Variants in PTPN23 observed in about 807,000 individuals in gnomAD.
PTPN23 encodes tyrosine-protein phosphatase non-receptor type 23.
Under a neutral mutation model 156.3 loss-of-function variants are expected in PTPN23, and 72 were observed. That is an observed-to-expected ratio of 0.46 (90% CI 0.38 to 0.56). The LOEUF is 0.56. Ranked by LOEUF, PTPN23 falls within the 20% of genes least tolerant of loss-of-function variation. The pLI is 0.00. For synonymous variants in PTPN23, 957 were observed against 899.6 expected, an observed-to-expected ratio of 1.06 and a Z score of -1.14; for missense variants, 1,974 against 2,171.5, an observed-to-expected ratio of 0.91 and a Z score of 1.81.
intron 1 of PTPN23, among the ~76,000 whole-genome samples, chr3:47,385,705 A>G (rs1037883895): frequency 5.3e-5 from 8 of 152,124 alleles, no homozygotes; most frequent in Admixed American, 5.2e-4. Flanking sequence ...CCCTGTCTTC[A>G]TGAAACTTAC....
Position 47,405,199 on chromosome 3 carries a change from C to A in PTPN23, c.364+118C>A. 1 of 917,900 alleles carries A rather than the reference C, an allele frequency of 1.1e-6. No homozygotes were observed. Among genetic ancestry groups the A allele is most frequent in the Non-Finnish European group, 1.7e-6 (1 of 576,522 alleles). 56.9% of individuals were successfully genotyped at this position (917,900 alleles called of 1,614,324 possible). ...TAAAGGGAGGACTCCAGGATTCCCG[C>A]CCCTCCACTGACCTCCCCACAGCCC... On this transcript the variant is annotated intron_variant, in intron 4 of 24. Transcript: ENST00000265562. The surrounding 1 kb of genome is among the most constrained non-coding windows in gnomAD (Gnocchi z 4.7).
Position 47,411,617 on chromosome 3 carries a change from C to G in PTPN23, c.3819C>G (p.Phe1273Leu). 6.2e-7 allele frequency: 1 copy of G among 1,612,072 alleles called. No individual in the cohort carries two copies. Among genetic ancestry groups the G allele is most frequent in the Non-Finnish European group, 8.5e-7 (1 of 1,179,790 alleles). Residue 1273 changes from phenylalanine (F) to leucine (L), a missense_variant, in exon 20 of 25, where the codon TTC (phenylalanine) becomes TTG (leucine). Around this residue, in one of 4 missense-constraint regions of PTPN23, gnomAD observed 484 missense variants for 516.0 expected, o/e 0.94. Coordinates refer to ENST00000265562, the MANE Select transcript of PTPN23 (RefSeq NM_015466.4). This position sits in a 1 kb window ranked among gnomAD's most constrained non-coding sequence, Gnocchi z 6.3. ...QAPLPGTAAD[F>L]WLMVHEQKVS... ...CACTGCCTGGCACAGCTGCTGACTT[C>G]TGGCTCATGGTCCATGAGCAGAAAG...
rs749536334 is a variant in PTPN23, at chr3:47,413,067, A to G, written c.4793A>G (p.Gln1598Arg). Residue 1598 changes from glutamine to arginine, a missense_variant, in exon 25 of 25, where the codon CAG (glutamine) becomes CGG (arginine). Coordinates refer to ENST00000265562, the MANE Select transcript of PTPN23 (RefSeq NM_015466.4). ...FSLDSSLRGK[Q>R]RMSKHNFLQA... ...CTGGACAGCTCCCTGCGGGGCAAAC[A>G]GCGGATGAGCAAGCATAACTTTCTG... The G allele has an allele frequency of 2.5e-6, 4 of 1,612,940 alleles. No homozygotes were observed. Among genetic ancestry groups the G allele is most frequent in the Non-Finnish European group, 3.4e-6 (4 of 1,180,022 alleles).
Position 47,405,871 on chromosome 3 carries a change from T to C in PTPN23, c.415-44T>C. The C allele has an allele frequency of 6.2e-7, 1 of 1,606,686 alleles. No individual in the cohort carries two copies. On this transcript the variant is annotated intron_variant, in intron 5 of 24. Coordinates refer to ENST00000265562, the MANE Select transcript of PTPN23 (RefSeq NM_015466.4). This position sits in a 1 kb window ranked among gnomAD's most constrained non-coding sequence, Gnocchi z 4.7. ...CAGCCTCCCAAGTATGGATGAATCC[T>C]GACCCATGGAGTGGACACAGGCCAT... is the stretch of plus-strand genomic sequence containing the variant.
Position 47,406,157 on chromosome 3 carries a change from C to A in PTPN23, c.546+111C>A. The A allele has an allele frequency of 6.6e-7, 1 of 1,513,786 alleles. No individual in the cohort carries two copies. 93.8% of individuals were successfully genotyped at this position (1,513,786 alleles called of 1,614,324 possible). On this transcript the variant is annotated intron_variant, in intron 6 of 24. Transcript: ENST00000265562. This position sits in a 1 kb window ranked among gnomAD's most constrained non-coding sequence, Gnocchi z 5.8. ...AAGGCAGTGAGGGACAAGCAAGGGG[C>A]CTTGGCTTTGTTGAATCAGGAGCAC... is the stretch of plus-strand genomic sequence containing the variant.
In PTPN23 at chr3:47,413,321, T is replaced by C; in HGVS notation, c.*136T>C. Reference sequence around the variant, plus strand: ...GCCTTTGGCCCTGCCTGGCCCAGCCTGCACCCCTGTGGGGTGGAAATGTAC... The same window carrying C: ...GCCTTTGGCCCTGCCTGGCCCAGCCCGCACCCCTGTGGGGTGGAAATGTAC... On this transcript the variant is annotated 3_prime_UTR_variant, in exon 25 of 25. Transcript: ENST00000265562. The C allele has an allele frequency of 7.9e-7, 1 of 1,266,276 alleles. No individual in the cohort carries two copies. Among genetic ancestry groups the C allele is most frequent in the Non-Finnish European group, 1.1e-6 (1 of 912,662 alleles). The allele number at this position is 1,266,276 out of a possible 1,614,324, so 78.4% of individuals were successfully genotyped here.
rs1324586460 is a variant in PTPN23, at chr3:47,413,106, G to A, written c.4832G>A (p.Gly1611Glu). 1 of 1,612,760 alleles carries A rather than the reference G, an allele frequency of 6.2e-7. No homozygotes were observed. Among genetic ancestry groups the A allele is most frequent in the Non-Finnish European group, 8.5e-7 (1 of 1,180,028 alleles). The change falls in exon 25 of 25, where the codon GGG becomes GAG. Residue 1611 changes from glycine to glutamate, a missense_variant. Gly to Glu is a moderately conservative substitution (Grantham distance 98, BLOSUM62 -2). Transcript: ENST00000265562. ...CATAACTTTCTGCAGGCCCATAACGGGCAAGGGCTGCGGGCCACCCGGCCC... is the reference window on the plus strand; with the variant it reads ...CATAACTTTCTGCAGGCCCATAACGAGCAAGGGCTGCGGGCCACCCGGCCC... ...SKHNFLQAHNGQGLRATRPSD... is the reference protein window; with the variant it reads ...SKHNFLQAHNEQGLRATRPSD...
chr3:47,398,492 G>T, intron 2 of PTPN23, among the ~76,000 whole-genome samples: 1 of 152,078 alleles, frequency 6.6e-6, no homozygotes, highest in Non-Finnish European at 1.5e-5. Flanking sequence ...GGATTTGCTG[G>T]GTTTTTTTGT....
At chr3:47,403,574 G>T (rs1415495448) in intron 2 of PTPN23, among the ~76,000 whole-genome samples, 10 of 152,076 alleles carry the variant, frequency 6.6e-5, no homozygotes, top group Non-Finnish European at 1.2e-4. Flanking sequence ...CATCACCCAG[G>T]CTGGAAAACA....
Position 47,407,742 on chromosome 3 carries a change from C to T in PTPN23, c.1049C>T (p.Ala350Val). 1.2e-6 allele frequency: 2 copies of T among 1,614,170 alleles called. No individual in the cohort carries two copies. The highest frequency in any genetic ancestry group is 8.5e-7 in the Non-Finnish European group (1 of 1,180,024). The change falls in exon 13 of 25, where the codon GCT becomes GTT. Residue 350 changes from alanine to valine, a missense_variant. Around this residue, in one of 4 missense-constraint regions of PTPN23, gnomAD observed 726 missense variants for 929.5 expected, o/e 0.78. Coordinates refer to ENST00000265562, the MANE Select transcript of PTPN23 (RefSeq NM_015466.4). The surrounding 1 kb of genome is among the most constrained non-coding windows in gnomAD (Gnocchi z 4.0). Reference sequence around the variant, plus strand: ...TTGCCAGTGAACCCCACAGACCCAGCTGTTACAGGCCCTGACATCTTTGCC... The same window carrying T: ...TTGCCAGTGAACCCCACAGACCCAGTTGTTACAGGCCCTGACATCTTTGCC... ...KPLPVNPTDP[A>V]VTGPDIFAKL...
At chr3:47,394,532 T>G (rs1015118057) in intron 1 of PTPN23, among the ~76,000 whole-genome samples, 9 of 151,936 alleles carry the variant, frequency 5.9e-5, no homozygotes, top group African/African-American at 2.2e-4. Context: ...TAGAGACGGG[T>G]CTTGCTCTTT....
intron 15 of PTPN23, 128 bp from the exon 16 acceptor site, chr3:47,408,648 C>T: frequency 7.1e-7 from 1 of 1,413,474 alleles, no homozygotes; most frequent in African/African-American, 1.4e-5. Context: ...CCTCTTGCAC[C>T]CTGCTCAGTG....
intron 2 of PTPN23, among the ~76,000 whole-genome samples, chr3:47,400,392 T>G (rs1226492581): frequency 6.6e-6 from 1 of 152,200 alleles, no homozygotes; most frequent in East Asian, 1.9e-4. Flanking sequence ...AAGCTCTCTC[T>G]CAGACTCCTC....
chr3:47,399,264 G>A (rs1332100751), intron 2 of PTPN23, among the ~76,000 whole-genome samples: 1 of 152,146 alleles, frequency 6.6e-6, no homozygotes, highest in Non-Finnish European at 1.5e-5. Context: ...CTGCTACTAT[G>A]GTAGGGGCTG....
rs1399498266 is a variant in PTPN23, at chr3:47,406,303, T to C, written c.547-22T>C. The C allele has an allele frequency of 6.2e-7, 1 of 1,612,388 alleles. No homozygotes were observed. Among genetic ancestry groups the C allele is most frequent in the East Asian group, 2.2e-5 (1 of 44,858 alleles). On this transcript the variant is annotated intron_variant, in intron 6 of 24. Coordinates refer to ENST00000265562, the MANE Select transcript of PTPN23 (RefSeq NM_015466.4). This position sits in a 1 kb window ranked among gnomAD's most constrained non-coding sequence, Gnocchi z 5.8. ...GGGAGGCCTTGGGTGAGCGAGGGAG[T>C]GCACCTCACGTGTCGCCCCAGGGCC...
intron 1 of PTPN23, among the ~76,000 whole-genome samples, chr3:47,387,184 A>C (rs1704670978): frequency 6.6e-6 from 1 of 152,242 alleles, no homozygotes; most frequent in Non-Finnish European, 1.5e-5. Context: ...ACATGGACCA[A>C]GGAGCTGAAG....
At chr3:47,384,008 G>T (rs900712804) in intron 1 of PTPN23, among the ~76,000 whole-genome samples, 29 of 152,078 alleles carry the variant, frequency 1.9e-4, no homozygotes, top group Admixed American at 1.3e-3. Context: ...TGGAGCTGAG[G>T]GTTAGAATTT....
In PTPN23 at chr3:47,412,761, G is replaced by A; in HGVS notation, c.4487G>A (p.Ser1496Asn). The change falls in exon 25 of 25, where the codon AGC becomes AAC. Residue 1496 changes from serine to asparagine, a missense_variant. By Grantham distance (46) the Ser-to-Asn change is conservative. This residue lies in a region of PTPN23 where 484 missense variants were observed against 516.0 expected (regional missense o/e 0.94). Transcript: ENST00000265562. ...DLVLGGDVPI[S>N]SIQATIAKLS... The stretch of plus-strand genomic sequence containing the variant: ...GTCCTCGGTGGGGATGTGCCCATCA[G>A]CTCCATCCAGGCCACCATTGCCAAG... 1 of 1,611,606 alleles carries A rather than the reference G, an allele frequency of 6.2e-7. No individual in the cohort carries two copies. Among genetic ancestry groups the A allele is most frequent in the Admixed American group, 1.7e-5 (1 of 59,888 alleles).
At chr3:47,398,564 G>T (rs1704926766) in intron 2 of PTPN23, among the ~76,000 whole-genome samples, 1 of 143,108 alleles carries the variant, frequency 7.0e-6, no homozygotes, top group Non-Finnish European at 1.5e-5. Flanking sequence ...TAAACTTAAA[G>T]TTTTTTTTTT....
Sources: allele counts gnomAD v4.1 joint callset (sites outside exome capture counted in the v4.1 genomes callset), GRCh38; gene constraint gnomAD v4.1.1; regional missense constraint gnomAD v4.1.1; non-coding constraint Gnocchi (gnomAD v3.1); transcripts MANE v1.5; gene names NCBI Gene and HGNC (gene_info 2026-07-23, HGNC 2026-07-21).